RELN: variants seen among roughly 807,000 people sequenced by gnomAD.
RELN encodes reelin.
A neutral mutation model predicts 427.6 loss-of-function variants in RELN; 108 were observed. The observed-to-expected ratio is 0.25, with a 90% CI of 0.22 to 0.30. The LOEUF is 0.30. Among genes scored for constraint, RELN ranks in the 10% least tolerant of loss-of-function variants. The probability of loss-of-function intolerance (pLI) is 1.00; values close to 1 mark genes in which losing one functional copy is unlikely to be tolerated. For missense variants in RELN, 3,715 were observed against 4,302.8 expected (o/e 0.86, Z 3.82); for synonymous variants, 1,524 against 1,513.4 (o/e 1.01, Z -0.16).
At chr7:103,755,815 G>GAAAAAAAAAAA (rs4006762) in intron 4 of RELN, among the ~76,000 whole-genome samples, 4 of 103,626 alleles carry the variant, frequency 3.9e-5, no homozygotes, top group Non-Finnish European at 7.3e-5. Flanking sequence ...TCCACCTCAA[G>GAAAAAAAAAAA]AAAAAAAAAA....
At chr7:103,826,179 C>A (rs1016536897) in intron 3 of RELN, among the ~76,000 whole-genome samples, 1 of 151,514 alleles carries the variant, frequency 6.6e-6, no homozygotes, top group Non-Finnish European at 1.5e-5. Flanking sequence ...TGTTATGACA[C>A]AGGAAGAAGT....
At chr7:103,745,868 A>G (rs911988264) in intron 6 of RELN, among the ~76,000 whole-genome samples, 4 of 152,186 alleles carry the variant, frequency 2.6e-5, no homozygotes, top group African/African-American at 4.8e-5. Flanking sequence ...TTCAATGCCA[A>G]CCCAATGAAG....
chr7:103,739,104 T>G (rs549482362), intron 6 of RELN, among the ~76,000 whole-genome samples: 2 of 152,340 alleles, frequency 1.3e-5, no homozygotes, highest in African/African-American at 4.8e-5. Flanking sequence ...ATCACTGTGG[T>G]GTATCCATCC....
At position 103,573,525 on chromosome 7, in the gene RELN, C is replaced by T. The variant is rs561863629; in HGVS notation, c.4511+567G>A. On this transcript the variant is annotated intron_variant, in intron 30 of 64. Transcript: ENST00000428762. This position sits in a 1 kb window ranked among gnomAD's most constrained non-coding sequence, Gnocchi z 4.4. ...TGTGAGGAGGTCTAAAAATTTTAAACATTTTCTCTATTTCCTTTCTTCCAC... is the reference window on the plus strand; with the variant it reads ...TGTGAGGAGGTCTAAAAATTTTAAATATTTTCTCTATTTCCTTTCTTCCAC... Among the ~76,000 whole-genome samples, 63 of 152,302 alleles carry T rather than the reference C, an allele frequency of 4.1e-4. No homozygotes were observed. Among genetic ancestry groups the T allele is most frequent in the African/African-American group, 1.5e-3 (63 of 41,578 alleles).
intron 2 of RELN, among the ~76,000 whole-genome samples, chr7:103,843,517 A>G (rs1310907290): frequency 6.6e-6 from 1 of 152,178 alleles, no homozygotes; most frequent in Non-Finnish European, 1.5e-5. Flanking sequence ...GTCCTGATCC[A>G]ATAGAAACCC....
At chr7:103,504,758 G>A (rs985492727) in intron 51 of RELN, among the ~76,000 whole-genome samples, 3 of 152,218 alleles carry the variant, frequency 2.0e-5, no homozygotes, top group Non-Finnish European at 1.5e-5. Flanking sequence ...TGGCAGACCA[G>A]GACATTCCCT....
chr7:103,666,132 A>G (rs941758886), intron 11 of RELN, among the ~76,000 whole-genome samples: 175 of 151,982 alleles, frequency 1.2e-3, no homozygotes, highest in African/African-American at 4.1e-3. Context: ...GGTGCAATTC[A>G]TGGCTCATGG....
intron 11 of RELN, among the ~76,000 whole-genome samples, chr7:103,664,492 C>G (rs552163407): frequency 6.6e-6 from 1 of 152,282 alleles, no homozygotes; most frequent in South Asian, 2.1e-4. Context: ...ACGAAGGAAT[C>G]TCTGCTGAGA....
Position 103,598,000 on chromosome 7 carries a change from G to A in RELN, c.3334-1339C>T, listed in dbSNP as rs774470309. Among the ~76,000 whole-genome samples, 3 of 152,128 alleles carry A rather than the reference G, an allele frequency of 2.0e-5. No individual in the cohort carries two copies. In the South Asian group the frequency reaches 6.2e-4, roughly 32 times the overall value. On this transcript the variant is annotated intron_variant, in intron 24 of 64. Transcript: ENST00000428762. ...TTCCCAGGAAGTTCAATTAAAAGTC[G>A]GGAAGAAAACCTGAGATAATATACA...
intron 2 of RELN, among the ~76,000 whole-genome samples, chr7:103,872,855 A>T (rs1414114543): frequency 2.0e-5 from 3 of 150,410 alleles, no homozygotes; most frequent in East Asian, 4.1e-4. Flanking sequence ...GGCTGCATAA[A>T]TGTCTTCTTT....
chr7:103,706,400 CAA>C (rs138551675), intron 8 of RELN, among the ~76,000 whole-genome samples: 1 of 151,026 alleles, frequency 6.6e-6, no homozygotes. Context: ...AGCACCCATC[CAA>C]AAAAAAATTT....
At position 103,816,231 on chromosome 7, in the gene RELN, T is replaced by C. The variant is rs536345580; in HGVS notation, c.473+17306A>G. Reference sequence around the variant, plus strand: ...CCAGCTCTAGTAAACATACAAAAATTGGCTGGGCATGCTGGCACACACCTG... The same window carrying C: ...CCAGCTCTAGTAAACATACAAAAATCGGCTGGGCATGCTGGCACACACCTG... On this transcript the variant is annotated intron_variant, in intron 3 of 64. Coordinates refer to ENST00000428762, the MANE Select transcript of RELN (RefSeq NM_005045.4). 2.2e-3 allele frequency among the ~76,000 whole-genome samples: 342 copies of C among 152,144 alleles called. 1 individual carries two copies. Among genetic ancestry groups the C allele is most frequent in the African/African-American group, 7.9e-3 (328 of 41,516 alleles).
intron 6 of RELN, among the ~76,000 whole-genome samples, chr7:103,742,368 T>C (rs1032728605): frequency 6.6e-6 from 1 of 152,088 alleles, no homozygotes; most frequent in Non-Finnish European, 1.5e-5. Flanking sequence ...CCTCTCCTCC[T>C]CCAAAGGAAC....
At chr7:103,912,750 A>G (rs1271241031) in intron 2 of RELN, among the ~76,000 whole-genome samples, 1 of 152,100 alleles carries the variant, frequency 6.6e-6, no homozygotes, top group Non-Finnish European at 1.5e-5. Context: ...TAAAATCTCT[A>G]TCTTTTATAA....
intron 10 of RELN, among the ~76,000 whole-genome samples, chr7:103,691,151 C>T (rs1364362456): frequency 1.3e-5 from 2 of 152,050 alleles, no homozygotes; most frequent in African/African-American, 4.8e-5. Flanking sequence ...TTCTACCAAC[C>T]CAGGGCTGAC....
chr7:103,827,801 T>G (rs1455119790), intron 3 of RELN, among the ~76,000 whole-genome samples: 1 of 151,766 alleles, frequency 6.6e-6, no homozygotes, highest in East Asian at 1.9e-4. Flanking sequence ...AACAGAAAAC[T>G]AGACTGTCAG....
At chr7:103,661,041 G>A (rs1042659632) in intron 12 of RELN, among the ~76,000 whole-genome samples, 2 of 152,050 alleles carry the variant, frequency 1.3e-5, no homozygotes, top group African/African-American at 4.8e-5. Flanking sequence ...GACTATTTTT[G>A]GGGGGAAGCT....
At chr7:103,773,160 C>CT (rs1248401533) in intron 4 of RELN, among the ~76,000 whole-genome samples, 17 of 131,862 alleles carry the variant, frequency 1.3e-4, no homozygotes, top group African/African-American at 4.8e-4. Context: ...TTCTTTCTTT[C>CT]TTTCTTTTTC....
intron 60 of RELN, among the ~76,000 whole-genome samples, chr7:103,486,805 G>T (rs1022036182): frequency 6.6e-6 from 1 of 152,196 alleles, no homozygotes; most frequent in Admixed American, 6.5e-5. Context: ...TACACTGTTG[G>T]TGGGAGTGTA....
Sources: gnomAD v4.1 joint callset for allele counts (sites outside exome capture counted in the v4.1 genomes callset) on GRCh38, gnomAD v4.1.1 for gene constraint, Gnocchi (gnomAD v3.1) non-coding constraint, MANE v1.5 for transcripts, NCBI Gene and HGNC (gene_info 2026-07-23, HGNC 2026-07-21) for gene names.